Variants in ZNF517 observed in about 807,000 individuals in gnomAD.
The protein encoded by ZNF517 is zinc finger protein 517.
A neutral mutation model predicts 12.1 loss-of-function variants in ZNF517; 12 were observed. That is an observed-to-expected ratio of 0.99 (90% CI 0.63 to 1.61). The LOEUF (loss-of-function observed/expected upper bound fraction) is 1.61, where lower values mean the gene tolerates loss of function less well. ZNF517 is among the 40% of genes most tolerant of loss of function. ZNF517 has a pLI of 0.00. For missense variants in ZNF517, 781 were observed against 693.2 expected, an observed-to-expected ratio of 1.13 and a Z score of -1.42; for synonymous variants, 388 against 310.2, an observed-to-expected ratio of 1.25 and a Z score of -2.63.
rs758067403 is a variant in ZNF517, at chr8:144,808,137, C to T, written c.1221C>T (p.Arg407=). 9 of 1,611,680 alleles carry T rather than the reference C, an allele frequency of 5.6e-6. No homozygotes were observed. Among genetic ancestry groups the T allele is most frequent in the African/African-American group, 1.3e-5 (1 of 74,754 alleles). ...ECAECGKAFG[R]KSNLTLHQKI... ...CGGAGTGCGGCAAGGCCTTCGGTCG[C>T]AAGTCCAACCTCACTCTGCACCAGA... The change falls in exon 5 of 5, where the codon CGC becomes CGT. Residue 407 remains arginine, a synonymous_variant. Transcript: ENST00000359971.
At chr8:144,806,896 T>C (rs754994805) in intron 4 of ZNF517, among the ~76,000 whole-genome samples, 4 of 151,968 alleles carry the variant, frequency 2.6e-5, no homozygotes, top group Non-Finnish European at 5.9e-5. Context: ...TAGATGTTTA[T>C]TGAATCATGT....
At chr8:144,799,461 C>T (rs1003087685) in intron 1 of ZNF517, among the ~76,000 whole-genome samples, 2 of 152,162 alleles carry the variant, frequency 1.3e-5, no homozygotes, top group African/African-American at 4.8e-5. Context: ...CCGCAGTGAG[C>T]GAACAGCCCG....
chr8:144,801,498 G>T (rs1161216832), intron 1 of ZNF517, among the ~76,000 whole-genome samples: 3 of 151,920 alleles, frequency 2.0e-5, no homozygotes, highest in African/African-American at 7.2e-5. Context: ...AGAGCGAGTT[G>T]TCGGAGTCTC....
intron 3 of ZNF517, 138 bp downstream of exon 3, chr8:144,803,905 C>T: frequency 7.5e-7 from 1 of 1,339,802 alleles, no homozygotes; most frequent in Non-Finnish European, 1.0e-6. Context: ...CCCCTCTCTG[C>T]TTCCTGTTGG....
chr8:144,803,057 G>A lies in ZNF517; in HGVS notation c.33+110G>A. The stretch of plus-strand genomic sequence containing the variant: ...TTGCCTCACACCCACCCACATCACA[G>A]GATGGAGTCTGCAAGCCGAGGACAG... On this transcript the variant is annotated intron_variant, in intron 2 of 4. Transcript: ENST00000359971. 1.4e-6 allele frequency: 2 copies of A among 1,410,926 alleles called. 1 individual carries two copies. Among genetic ancestry groups the A allele is most frequent in the Non-Finnish European group, 1.9e-6 (2 of 1,028,210 alleles). The allele number at this position is 1,410,926 out of a possible 1,614,324, so 87.4% of individuals were successfully genotyped here. A position where few individuals can be genotyped will look rare whatever the true frequency, so the allele number is the denominator to read the frequency against.
rs1459315848 is a variant in ZNF517 at position 144,808,130 on chromosome 8, T to G, written c.1214T>G (p.Phe405Cys). 2 of 1,612,194 alleles carry G rather than the reference T, an allele frequency of 1.2e-6. No individual in the cohort carries two copies. Among genetic ancestry groups the G allele is most frequent in the East Asian group, 2.2e-5 (1 of 44,782 alleles). ...GAGTGCGCGGAGTGCGGCAAGGCCT[T>G]CGGTCGCAAGTCCAACCTCACTCTG... ...PFECAECGKA[F>C]GRKSNLTLHQ... is the part of the protein sequence containing the mutation. Residue 405 changes from phenylalanine (F) to cysteine (C), a missense_variant, in exon 5 of 5, where the codon TTC (phenylalanine) becomes TGC (cysteine). By Grantham distance (205) the Phe-to-Cys change is radical. Coordinates refer to ENST00000359971, the MANE Select transcript of ZNF517 (RefSeq NM_213605.3).
intron 4 of ZNF517, among the ~76,000 whole-genome samples, chr8:144,805,353 T>C (rs1827173805): frequency 6.6e-6 from 1 of 152,202 alleles, no homozygotes; most frequent in African/African-American, 2.4e-5. Flanking sequence ...ATTTTTGAGA[T>C]GGAGTCTCGC....
chr8:144,803,235 C>CCT, intron 2 of ZNF517: 1 of 512,636 alleles, frequency 2.0e-6, no homozygotes, highest in Non-Finnish European at 3.5e-6. Flanking sequence ...GTGCCTGCCT[C>CCT]CTTCCTGGTG....
At position 144,807,869 on chromosome 8, in the gene ZNF517, G is replaced by A. The variant is rs746357109; in HGVS notation, c.953G>A (p.Arg318Gln). The A allele has an allele frequency of 5.7e-6, 9 of 1,569,898 alleles. No individual in the cohort carries two copies. The highest frequency in any genetic ancestry group is 6.9e-6 in the Non-Finnish European group (8 of 1,159,658). Residue 318 changes from arginine to glutamine, a missense_variant, in exon 5 of 5, where the codon CGG becomes CAG. By Grantham distance (43) the Arg-to-Gln change is conservative. Coordinates refer to ENST00000359971, the MANE Select transcript of ZNF517 (RefSeq NM_213605.3). ...GRIHSGERPY[R>Q]CLRCGQRFIR... is the part of the protein sequence containing the mutation. ...ATCCACAGCGGGGAGCGGCCCTACC[G>A]GTGCCTGCGGTGTGGGCAGCGCTTC...
Position 144,808,663 on chromosome 8 carries a change from A to G in ZNF517, c.*268A>G, listed in dbSNP as rs1827422436. The G allele has an allele frequency of 1.3e-5, 5 of 379,580 alleles. No individual in the cohort carries two copies. In the East Asian group the frequency reaches 1.3e-4, roughly 10 times the overall value. The allele number at this position is 379,580 out of a possible 1,614,324, so 23.5% of individuals were successfully genotyped here. A position where few individuals can be genotyped will look rare whatever the true frequency, so the allele number is the denominator to read the frequency against. On this transcript the variant is annotated 3_prime_UTR_variant, in exon 5 of 5. Transcript: ENST00000359971. ...GTCCAGGAGCGGGCAGAAGGGAGAG[A>G]GGGAGGGGCAGCTATGCTCAGTCCC...
chr8:144,802,829 A>G (rs140811989), intron 1 of ZNF517, 41 bp from the exon 2 acceptor site: 31,490 of 1,609,444 alleles, frequency 0.02, 424 homozygotes, highest in South Asian at 0.029. Context: ...GGAGGGCCTT[A>G]GGCCTGGGCT....
At chr8:144,807,140 TTG>T (rs778458863) in intron 4 of ZNF517, 49 bp from the exon 5 acceptor site, 5 of 1,503,038 alleles carry the variant, frequency 3.3e-6, no homozygotes, top group Non-Finnish European at 8.9e-7. Flanking sequence ...AGAAGTTCGT[TTG>T]TGAGTGTAGA....
chr8:144,808,051 C>G lies in ZNF517; in HGVS notation c.1135C>G (p.His379Asp). The G allele has an allele frequency of 6.2e-7, 1 of 1,606,110 alleles. No homozygotes were observed. Among genetic ancestry groups the G allele is most frequent in the Non-Finnish European group, 8.5e-7 (1 of 1,176,766 alleles). ...CCCGGTGTGCGGGAGGCCGTTCCGACACAACTCCCTGCTGCTGCTGCACCT... is the reference window on the plus strand; with the variant it reads ...CCCGGTGTGCGGGAGGCCGTTCCGAGACAACTCCCTGCTGCTGCTGCACCT... ...ECPVCGRPFR[H>D]NSLLLLHLRL... Residue 379 changes from histidine (H) to aspartate (D), a missense_variant, in exon 5 of 5, where the codon CAC (histidine) becomes GAC (aspartate). Coordinates refer to ENST00000359971, the MANE Select transcript of ZNF517 (RefSeq NM_213605.3).
chr8:144,806,969 A>G (rs1262701601), intron 4 of ZNF517, among the ~76,000 whole-genome samples: 1 of 151,970 alleles, frequency 6.6e-6, no homozygotes, highest in Non-Finnish European at 1.5e-5. Flanking sequence ...CCCAGGCTGG[A>G]GTGCAATGGC....
At position 144,808,164 on chromosome 8, in the gene ZNF517, G is replaced by A; in HGVS notation, c.1248G>A (p.Lys416=). The A allele has an allele frequency of 3.1e-6, 5 of 1,611,518 alleles. No individual in the cohort carries two copies. Among genetic ancestry groups the A allele is most frequent in the Non-Finnish European group, 4.2e-6 (5 of 1,179,068 alleles). Residue 416 remains lysine (K), a synonymous_variant, in exon 5 of 5, where the codon AAG becomes AAA. Transcript: ENST00000359971. ...GRKSNLTLHQ[K]IHTKEKPFAC... ...AGTCCAACCTCACTCTGCACCAGAA[G>A]ATCCACACCAAGGAGAAGCCCTTCG...
chr8:144,807,445 C>CG lies in ZNF517; in HGVS notation c.530dup (p.Tyr178LeufsTer52). On this transcript the variant is annotated frameshift_variant, in exon 5 of 5. Coordinates refer to ENST00000359971, the MANE Select transcript of ZNF517 (RefSeq NM_213605.3). LOFTEE classifies it low-confidence loss of function (END_TRUNC). ...CCGGCCTGTGGGGAGCTCAGCCCCCCGCTACAGGTGCGTGTGCGGCAAGGC... is the reference window on the plus strand; with the variant it reads ...CCGGCCTGTGGGGAGCTCAGCCCCCCGGCTACAGGTGCGTGTGCGGCAAGGC... 1 of 1,574,404 alleles carries CG rather than the reference C, an allele frequency of 6.4e-7. No homozygotes were observed. Among genetic ancestry groups the CG allele is most frequent in the Non-Finnish European group, 8.6e-7 (1 of 1,160,618 alleles).
intron 4 of ZNF517, among the ~76,000 whole-genome samples, chr8:144,805,965 C>T (rs1245634377): frequency 6.6e-6 from 1 of 152,198 alleles, no homozygotes; most frequent in Non-Finnish European, 1.5e-5. Context: ...ATGCTACAAG[C>T]TGATGACTAA....
In ZNF517 at chr8:144,808,044, G is replaced by A. The variant is rs747488552; in HGVS notation, c.1128G>A (p.Pro376=). 6.9e-6 allele frequency: 11 copies of A among 1,601,940 alleles called. No individual in the cohort carries two copies. Among genetic ancestry groups the A allele is most frequent in the East Asian group, 6.8e-5 (3 of 44,204 alleles). Reference sequence around the variant, plus strand: ...ACGAGTGCCCGGTGTGCGGGAGGCCGTTCCGACACAACTCCCTGCTGCTGC... The same window carrying A: ...ACGAGTGCCCGGTGTGCGGGAGGCCATTCCGACACAACTCCCTGCTGCTGC... ...PPHECPVCGR[P]FRHNSLLLLH... Residue 376 remains proline (P), a synonymous_variant, in exon 5 of 5, where the codon CCG becomes CCA. Coordinates refer to ENST00000359971, the MANE Select transcript of ZNF517 (RefSeq NM_213605.3).
In ZNF517 at chr8:144,803,763, A is replaced by C; in HGVS notation, c.156A>C (p.Ser52=). The change falls in exon 3 of 5, where the codon TCA becomes TCC. Residue 52 remains serine, a synonymous_variant. Coordinates refer to ENST00000359971, the MANE Select transcript of ZNF517 (RefSeq NM_213605.3). ...VMLENYGNLA[S]LGFLVAKPAL... Reference sequence around the variant, plus strand: ...TGGAGAACTATGGGAACCTGGCCTCACTAGGTGAGGGCTTCTGCCTTTGGT... The same window carrying C: ...TGGAGAACTATGGGAACCTGGCCTCCCTAGGTGAGGGCTTCTGCCTTTGGT... The C allele has an allele frequency of 6.2e-7, 1 of 1,613,848 alleles. No homozygotes were observed. Among genetic ancestry groups the C allele is most frequent in the Non-Finnish European group, 8.5e-7 (1 of 1,179,812 alleles).
Sources: gnomAD v4.1 joint callset for allele counts (sites outside exome capture counted in the v4.1 genomes callset) on GRCh38, gnomAD v4.1.1 for gene constraint, MANE v1.5 for transcripts, NCBI Gene and HGNC (gene_info 2026-07-23, HGNC 2026-07-21) for gene names.